C12orf57: variants seen among roughly 807,000 people sequenced by gnomAD.
The protein encoded by C12orf57 is chromosome 12 open reading frame 57.
A neutral mutation model predicts 11.3 loss-of-function variants in C12orf57; 14 were observed. The ratio of observed to expected loss-of-function variants is 1.24; its 90% CI spans 0.82 to 1.94. The LOEUF (loss-of-function observed/expected upper bound fraction) is 1.94. Ranked by LOEUF, C12orf57 falls within the 30% of genes most tolerant of loss-of-function variation. The pLI is 0.00. For synonymous variants in C12orf57, 100 were observed against 74.6 expected, an observed-to-expected ratio of 1.34 and a Z score of -1.76; for missense variants, 229 against 172.4, an observed-to-expected ratio of 1.33 and a Z score of -1.84.
Position 6,945,838 on chromosome 12 carries a change from A to G in C12orf57, c.297A>G (p.Ser99=), listed in dbSNP as rs149881070. 2.5e-4 allele frequency: 404 copies of G among 1,613,798 alleles called. 1 individual carries two copies. The highest frequency in any genetic ancestry group is 3.2e-4 in the Non-Finnish European group (381 of 1,179,932). The change falls in exon 3 of 3, where the codon TCA becomes TCG. Residue 99 remains serine, a synonymous_variant. Coordinates refer to ENST00000229281, the MANE Select transcript of C12orf57 (RefSeq NM_138425.4). ...AGGATCCTGAGATCGCCAGCCTGTC[A>G]GGCAAGCTGAAGGCGCTGTTTCTGC... is the stretch of plus-strand genomic sequence containing the variant. ...EAQDPEIASL[S]GKLKALFLPP... is the part of the protein sequence containing the mutation.
At chr12:6,944,439 A>G (rs781945492) in intron 1 of C12orf57, 37 bp from the exon 2 acceptor site, 2 of 1,600,688 alleles carry the variant, frequency 1.2e-6, no homozygotes, top group Non-Finnish European at 1.7e-6. Context: ...TCCGACGCCT[A>G]CCCGGGACGC....
upstream of C12orf57, chr12:6,943,562 C>T (rs782813245): frequency 4.7e-6 from 6 of 1,289,360 alleles, no homozygotes; most frequent in South Asian, 1.2e-5. Flanking sequence ...TTAACAACAA[C>T]GAAGGGGCTG....
At chr12:6,944,678 C>G (rs782632761) in intron 2 of C12orf57, 26 bp downstream of exon 2, 1 of 1,583,532 alleles carries the variant, frequency 6.3e-7, no homozygotes, top group South Asian at 1.1e-5. Context: ...GAAGGCGGGT[C>G]AGACGCGGGA....
At position 6,944,765 on chromosome 12, in the gene C12orf57, G is replaced by A. The variant is rs188955120; in HGVS notation, c.229+113G>A. 5.0e-4 allele frequency: 778 copies of A among 1,552,676 alleles called. 3 individuals are homozygous for A. In the African/African-American group the frequency reaches 9.3e-3, roughly 19 times the overall value. On this transcript the variant is annotated intron_variant, in intron 2 of 2. Coordinates refer to ENST00000229281, the MANE Select transcript of C12orf57 (RefSeq NM_138425.4). Reference sequence around the variant, plus strand: ...TTGTCCCCTTTCTCGCCACACGGCGGCAGCCACAATCTGACTAACATTCTT... The same window carrying A: ...TTGTCCCCTTTCTCGCCACACGGCGACAGCCACAATCTGACTAACATTCTT...
In C12orf57 at chr12:6,944,804, C is replaced by T. The variant is rs1945757758; in HGVS notation, c.229+152C>T. On this transcript the variant is annotated intron_variant, in intron 2 of 2. Coordinates refer to ENST00000229281, the MANE Select transcript of C12orf57 (RefSeq NM_138425.4). ...ACTAACATTCTTGGCACTCAGAGCC[C>T]AGGGTCTACCCTGAGCTTGTGCGTC... 2.7e-6 allele frequency: 4 copies of T among 1,493,234 alleles called. No individual in the cohort carries two copies. In the South Asian group the frequency reaches 5.3e-5, roughly 20 times the overall value. 92.5% of individuals were successfully genotyped at this position (1,493,234 alleles called of 1,614,324 possible).
upstream of C12orf57, chr12:6,943,583 C>T (rs782050740): frequency 1.2e-5 from 16 of 1,289,734 alleles, no homozygotes; most frequent in East Asian, 8.9e-4. Context: ...TGACTGGCTG[C>T]TTTCTCAACC....
rs781931486 is a variant in C12orf57 at position 6,944,022 on chromosome 12, C to T, written c.-100C>T. ...CTTCCGGCTGCGCCGGATGCTGTTT[C>T]CTTTCCGCTCCCAGGGGCGTTGGGA... On this transcript the variant is annotated 5_prime_UTR_variant, in exon 1 of 3. Transcript: ENST00000229281. The T allele has an allele frequency of 1.1e-4, 176 of 1,602,672 alleles. No individual in the cohort carries two copies. The highest frequency in any genetic ancestry group is 8.3e-4 in the Middle Eastern group (5 of 6,034).
chr12:6,943,591 A>G, upstream of C12orf57: 1 of 1,289,744 alleles, frequency 7.8e-7, no homozygotes, highest in Non-Finnish European at 1.0e-6. Flanking sequence ...TGCTTTCTCA[A>G]CCAATCAGCA....
chr12:6,945,133 G>A (rs957533983), intron 2 of C12orf57: 1 of 234,420 alleles, frequency 4.3e-6, no homozygotes, highest in Non-Finnish European at 8.3e-6. Flanking sequence ...TTCCATTTTC[G>A]GCCTCACACT....
intron 1 of C12orf57, 53 bp downstream of exon 1, chr12:6,944,226 A>G (rs1161481738): frequency 1.9e-6 from 3 of 1,601,640 alleles, no homozygotes; most frequent in East Asian, 2.2e-5. Context: ...TAGTCAAGGC[A>G]TGGGCTGCTG....
In C12orf57 at chr12:6,944,138, C is replaced by T. The variant is rs782587036; in HGVS notation, c.17C>T (p.Thr6Ile). The T allele has an allele frequency of 3.7e-6, 6 of 1,614,130 alleles. No homozygotes were observed. Among genetic ancestry groups the T allele is most frequent in the African/African-American group, 2.7e-5 (2 of 74,950 alleles). The change falls in exon 1 of 3, where the codon ACC becomes ATC. Residue 6 changes from threonine (T) to isoleucine (I), a missense_variant. Thr to Ile is a moderately conservative substitution (Grantham distance 89). Transcript: ENST00000229281. ...AGACGCCCTATGGCGTCCGCCTCGA[C>T]CCAACCGGCGGCCTTGAGCGCTGAG... The part of the protein sequence containing the change: MASAS[T>I]QPAALSAEQA...
At chr12:6,944,012 G>A (rs782615520), upstream of C12orf57, 77 of 1,602,740 alleles carry the variant, frequency 4.8e-5, no homozygotes, top group Middle Eastern at 1.7e-4. Flanking sequence ...GGCTGCGCCG[G>A]ATGCTGTTTC....
At chr12:6,944,407 C>T (rs1945738037) in intron 1 of C12orf57, 69 bp from the exon 2 acceptor site, 16 of 1,570,668 alleles carry the variant, frequency 1.0e-5, no homozygotes, top group Non-Finnish European at 1.4e-5. Flanking sequence ...CTTGCGCTCT[C>T]CGCTGGGCCC....
In C12orf57 at chr12:6,945,733, C is replaced by T. The variant is rs782114882; in HGVS notation, c.230-38C>T. The stretch of plus-strand genomic sequence containing the variant: ...CTCCAGGTGTCTTAGGCACGCTGGT[C>T]CTTAGGAGAAGGGTTGACCTTCCAC... On this transcript the variant is annotated intron_variant, in intron 2 of 2. Coordinates refer to ENST00000229281, the MANE Select transcript of C12orf57 (RefSeq NM_138425.4). The T allele has an allele frequency of 5.0e-6, 8 of 1,608,348 alleles. No homozygotes were observed. The African/African-American group carries it at 9.4e-5, about 19-fold the overall frequency.
At chr12:6,944,875 A>T (rs1945760833) in intron 2 of C12orf57, 4 of 1,408,564 alleles carry the variant, frequency 2.8e-6, no homozygotes, top group Non-Finnish European at 3.7e-6. Flanking sequence ...CTTACCCGAA[A>T]TGGTTGGGAC....
rs1169987249 is a variant in C12orf57 at position 6,944,151 on chromosome 12, C to CT, written c.32dup (p.Leu11PhefsTer4). The stretch of plus-strand genomic sequence containing the variant: ...CGTCCGCCTCGACCCAACCGGCGGC[C>CT]TTGAGCGCTGAGCAAGCAAAGGGTG... On this transcript the variant is annotated frameshift_variant, in exon 1 of 3. Coordinates refer to ENST00000229281, the MANE Select transcript of C12orf57 (RefSeq NM_138425.4). LOFTEE classifies it high-confidence loss of function. The CT allele has an allele frequency of 1.2e-6, 2 of 1,614,128 alleles. No homozygotes were observed. Among genetic ancestry groups the CT allele is most frequent in the Non-Finnish European group, 1.7e-6 (2 of 1,180,046 alleles).
At position 6,944,579 on chromosome 12, in the gene C12orf57, A is replaced by G. The variant is rs782602511; in HGVS notation, c.156A>G (p.Gln52=). The part of the protein sequence containing the change: ...NACNDMGKML[Q]FVLPVATQIQ... Reference sequence around the variant, plus strand: ...GCAACGACATGGGTAAGATGCTGCAATTCGTGCTGCCCGTGGCCACGCAGA... The same window carrying G: ...GCAACGACATGGGTAAGATGCTGCAGTTCGTGCTGCCCGTGGCCACGCAGA... Residue 52 remains glutamine (Q), a synonymous_variant, in exon 2 of 3, where the codon CAA becomes CAG. Transcript: ENST00000229281. The G allele has an allele frequency of 1.1e-5, 18 of 1,614,148 alleles. No individual in the cohort carries two copies. The African/African-American group carries it at 1.7e-4, about 16-fold the overall frequency.
At chr12:6,943,780 C>G, upstream of C12orf57, 2 of 974,446 alleles carry the variant, frequency 2.1e-6, no homozygotes, top group Non-Finnish European at 2.7e-6. Flanking sequence ...TGTGGAGTTC[C>G]TTTATATCCC....
chr12:6,944,406 T>C (rs782223435), intron 1 of C12orf57, 70 bp from the exon 2 acceptor site: 8 of 1,570,574 alleles, frequency 5.1e-6, no homozygotes, highest in Non-Finnish European at 6.9e-6. Flanking sequence ...CCTTGCGCTC[T>C]CCGCTGGGCC....
Sources: allele counts gnomAD v4.1 joint callset, GRCh38; gene constraint gnomAD v4.1.1; transcripts MANE v1.5; gene names NCBI Gene and HGNC (gene_info 2026-07-23, HGNC 2026-07-21).